Variants in GPHN observed in about 807,000 individuals in gnomAD.
The protein encoded by GPHN is gephyrin.
Under a neutral mutation model 95.5 loss-of-function variants are expected in GPHN, and 17 were observed. The observed-to-expected ratio is 0.18, with a 90% CI of 0.12 to 0.27. GPHN has a LOEUF of 0.27. GPHN is among the 10% of genes least tolerant of loss of function. The probability of loss-of-function intolerance (pLI) is 1.00; values close to 1 mark genes in which losing one functional copy is unlikely to be tolerated. For synonymous variants in GPHN, 320 were observed against 322.5 expected, an observed-to-expected ratio of 0.99 and a Z score of 0.08; for missense variants, 660 against 978.1, an observed-to-expected ratio of 0.67 and a Z score of 4.34.
At chr14:67,427,984 C>G in the GPHN span, among the ~76,000 whole-genome samples, 1 of 151,200 alleles carries the variant, frequency 6.6e-6, no homozygotes, top group Non-Finnish European at 1.5e-5. Flanking sequence ...TACAGTGGCA[C>G]GATTCTGGCT....
At chr14:66,704,203 C>T (rs560661288) in intron 2 of GPHN, among the ~76,000 whole-genome samples, 10 of 152,154 alleles carry the variant, frequency 6.6e-5, no homozygotes, top group South Asian at 2.1e-4. Context: ...AACTTAGACT[C>T]GCACACAATA....
intron 2 of GPHN, among the ~76,000 whole-genome samples, chr14:66,747,026 G>T (rs1201840123): frequency 6.6e-6 from 1 of 152,172 alleles, no homozygotes; most frequent in African/African-American, 2.4e-5. Context: ...CACTGTAAGT[G>T]TTCAGAAAAT....
chr14:67,564,237 A>G, the GPHN span, among the ~76,000 whole-genome samples: 4 of 152,044 alleles, frequency 2.6e-5, no homozygotes, highest in Non-Finnish European at 4.4e-5. Context: ...TCCTGACCTC[A>G]AGTGATTCAC....
At chr14:66,659,087 G>A (rs190209884) in intron 1 of GPHN, among the ~76,000 whole-genome samples, 228 of 151,752 alleles carry the variant, frequency 1.5e-3, no homozygotes, top group Non-Finnish European at 2.7e-3. Flanking sequence ...TATATTGTCC[G>A]TATAGCACTA....
the GPHN span, among the ~76,000 whole-genome samples, chr14:67,715,578 A>G: frequency 6.6e-6 from 1 of 152,126 alleles, no homozygotes; most frequent in East Asian, 1.9e-4. Context: ...AAAATTTCCC[A>G]ACATTTAATT....
chr14:66,634,616 G>T (rs536036970), intron 1 of GPHN, among the ~76,000 whole-genome samples: 2 of 152,132 alleles, frequency 1.3e-5, no homozygotes, highest in African/African-American at 4.8e-5. Context: ...CCTGGGCCGG[G>T]CTACACAGAT....
At chr14:67,685,244 T>C in the GPHN span, 2 of 1,560,160 alleles carry the variant, frequency 1.3e-6, no homozygotes, top group Non-Finnish European at 1.7e-6. Flanking sequence ...AGACAGGACT[T>C]GATTTTGCAG....
intron 5 of GPHN, among the ~76,000 whole-genome samples, chr14:66,892,502 G>C (rs2064568772): frequency 6.6e-6 from 1 of 152,068 alleles, no homozygotes. Flanking sequence ...CCCAAAAGTT[G>C]GAAGCAACCC....
At chr14:66,824,409 A>G in intron 3 of GPHN, 65 bp from the exon 4 acceptor site, 1 of 784,516 alleles carries the variant, frequency 1.3e-6, no homozygotes, top group Non-Finnish European at 2.3e-6. Context: ...GTGTCCTAGG[A>G]CTGGGATGTT....
At position 66,916,042 on chromosome 14, in the gene GPHN, C is replaced by T. The variant is rs756862995; in HGVS notation, c.429C>T (p.Asn143=). The change falls in exon 6 of 23, where the codon AAC becomes AAT. Residue 143 remains asparagine (N), a synonymous_variant. Coordinates refer to ENST00000478722, the MANE Select transcript of GPHN (RefSeq NM_020806.5). Reference sequence around the variant, plus strand: ...TCAGAGGGAAAACGCTCATAATTAACCTGCCAGGTAGCAAGAAAGGATCTC... The same window carrying T: ...TCAGAGGGAAAACGCTCATAATTAATCTGCCAGGTAGCAAGAAAGGATCTC... ...CGIRGKTLII[N]LPGSKKGSQE... is the part of the protein sequence containing the mutation. 7 of 1,602,662 alleles carry T rather than the reference C, an allele frequency of 4.4e-6. No individual in the cohort carries two copies. The highest frequency in any genetic ancestry group is 2.2e-5 in the South Asian group (2 of 90,816).
intron 11 of GPHN, among the ~76,000 whole-genome samples, chr14:67,087,281 G>A (rs1452611011): frequency 6.9e-6 from 1 of 145,138 alleles, no homozygotes; most frequent in African/African-American, 2.6e-5. Context: ...CTGAGCTGAT[G>A]TATAGCTTAC....
the GPHN span, among the ~76,000 whole-genome samples, chr14:67,712,743 G>A: frequency 6.6e-6 from 1 of 152,086 alleles, no homozygotes; most frequent in African/African-American, 2.4e-5. Flanking sequence ...CCAAACCTAG[G>A]CTGTTGTGAT....
the GPHN span, among the ~76,000 whole-genome samples, chr14:67,543,521 A>G: frequency 6.6e-6 from 1 of 152,224 alleles, no homozygotes. Flanking sequence ...AGTGCTTGTT[A>G]AGCATGCATA....
chr14:66,742,526 A>C (rs1372123124), intron 2 of GPHN, among the ~76,000 whole-genome samples: 1 of 152,124 alleles, frequency 6.6e-6, no homozygotes, highest in African/African-American at 2.4e-5. Flanking sequence ...TTCACTGTTC[A>C]ATATCCCACC....
At chr14:67,573,793 CT>C in the GPHN span, 13 of 1,599,252 alleles carry the variant, frequency 8.1e-6, no homozygotes, top group African/African-American at 1.3e-4. The surrounding 1 kb of genome is among the most constrained non-coding windows in gnomAD (Gnocchi z 4.8). Flanking sequence ...CCAATACTTT[CT>C]TTACAGAGTG....
the GPHN span, among the ~76,000 whole-genome samples, chr14:67,539,391 C>T: frequency 6.6e-6 from 1 of 152,150 alleles, no homozygotes; most frequent in Admixed American, 6.5e-5. Context: ...GGGAGAGCAG[C>T]GCTGAAGTCA....
the GPHN span, among the ~76,000 whole-genome samples, chr14:67,599,412 G>C: frequency 6.6e-6 from 1 of 152,180 alleles, no homozygotes; most frequent in Non-Finnish European, 1.5e-5. Context: ...TCTGGAAATT[G>C]AGCACAGCTA....
intron 1 of GPHN, among the ~76,000 whole-genome samples, chr14:66,645,256 A>G (rs750952203): frequency 6.6e-6 from 1 of 152,224 alleles, no homozygotes; most frequent in Non-Finnish European, 1.5e-5. Flanking sequence ...ATAGAAAAGA[A>G]TGTTGGTATG....
At position 66,581,725 on chromosome 14, in the gene GPHN, A is replaced by G. The variant is rs566501157; in HGVS notation, c.64+73134A>G. Among the ~76,000 whole-genome samples the G allele has an allele frequency of 6.6e-5, 10 of 152,140 alleles. No individual in the cohort carries two copies. The South Asian group carries it at 1.4e-3, about 22-fold the overall frequency. On this transcript the variant is annotated intron_variant, in intron 1 of 22. Transcript: ENST00000478722. ...TAGATAATCCATGCTGATGGAAACC[A>G]AAAGAAAGCAGGAGTAGCTATACTT... is the stretch of plus-strand genomic sequence containing the variant.
Sources: gnomAD v4.1 joint callset for allele counts (sites outside exome capture counted in the v4.1 genomes callset) on GRCh38, gnomAD v4.1.1 for gene constraint, Gnocchi (gnomAD v3.1) non-coding constraint, MANE v1.5 for transcripts, NCBI Gene and HGNC (gene_info 2026-07-23, HGNC 2026-07-21) for gene names.